Variants in COL24A1 observed in about 807,000 individuals in gnomAD.
COL24A1 encodes collagen alpha-1(XXIV) chain.
Under a neutral mutation model 253.9 loss-of-function variants are expected in COL24A1, and 224 were observed. The observed-to-expected ratio is 0.88, with a 90% CI of 0.79 to 0.99. The LOEUF (loss-of-function observed/expected upper bound fraction) is 0.99. Among genes scored for constraint, COL24A1 ranks in the 50% least tolerant of loss-of-function variants. The pLI is 0.00. For missense variants in COL24A1, 2,131 were observed against 2,068.5 expected, an observed-to-expected ratio of 1.03 and a Z score of -0.59; for synonymous variants, 685 against 673.7, an observed-to-expected ratio of 1.02 and a Z score of -0.26.
At chr1:86,093,967 A>G (rs1042027639) in intron 5 of COL24A1, among the ~76,000 whole-genome samples, 22 of 152,184 alleles carry the variant, frequency 1.4e-4, no homozygotes, top group African/African-American at 5.3e-4. Flanking sequence ...CAGAATGGCT[A>G]TTTTGAAAAA....
At chr1:85,794,347 A>C (rs979876485) in intron 47 of COL24A1, among the ~76,000 whole-genome samples, 5 of 152,150 alleles carry the variant, frequency 3.3e-5, no homozygotes, top group Admixed American at 3.3e-4. Flanking sequence ...ATACATGACA[A>C]TGGACATTCA....
At chr1:85,732,325 G>A (rs1475656107) in intron 59 of COL24A1, among the ~76,000 whole-genome samples, 1 of 151,880 alleles carries the variant, frequency 6.6e-6, no homozygotes, top group African/African-American at 2.4e-5. Context: ...CGCCTCCCAG[G>A]TTCACGCCAT....
At chr1:85,926,187 G>C (rs968971797) in intron 24 of COL24A1, among the ~76,000 whole-genome samples, 2 of 152,244 alleles carry the variant, frequency 1.3e-5, no homozygotes, top group Non-Finnish European at 2.9e-5. Context: ...AGATGCTGGA[G>C]AGGATGTGGA....
intron 19 of COL24A1, among the ~76,000 whole-genome samples, chr1:85,994,515 T>C (rs879792804): frequency 6.6e-6 from 1 of 151,886 alleles, no homozygotes; most frequent in Non-Finnish European, 1.5e-5. Context: ...TGTAAGAGGA[T>C]AATTTGGTCT....
chr1:85,848,561 C>T (rs377066569), intron 38 of COL24A1, among the ~76,000 whole-genome samples: 9 of 152,162 alleles, frequency 5.9e-5, no homozygotes, highest in Non-Finnish European at 1.3e-4. Flanking sequence ...CCGCCCACCT[C>T]GGCCTCCCAA....
intron 43 of COL24A1, among the ~76,000 whole-genome samples, chr1:85,827,702 T>G (rs1258789299): frequency 6.6e-6 from 1 of 151,672 alleles, no homozygotes; most frequent in African/African-American, 2.4e-5. Flanking sequence ...ATTTTCTAGT[T>G]TATTTGCGTA....
chr1:85,867,552 A>C (rs1679930147), intron 37 of COL24A1, among the ~76,000 whole-genome samples: 1 of 152,224 alleles, frequency 6.6e-6, no homozygotes. Context: ...AAGATAGGAC[A>C]ATACCTCCAA....
At position 86,026,045 on chromosome 1, in the gene COL24A1, T is replaced by C. The variant is rs150186699; in HGVS notation, c.2050-3038A>G. ...ACTACTTATTTTTCCTTCTATGCCA[T>C]TAGATTGTAATGTTGCCAAAAATAG... On this transcript the variant is annotated intron_variant, in intron 14 of 59. Transcript: ENST00000370571. 2.4e-3 allele frequency among the ~76,000 whole-genome samples: 366 copies of C among 152,312 alleles called. 2 individuals are homozygous for C. The highest frequency in any genetic ancestry group is 8.5e-3 in the African/African-American group (355 of 41,564).
intron 24 of COL24A1, among the ~76,000 whole-genome samples, chr1:85,953,989 A>T (rs1316273470): frequency 6.6e-6 from 1 of 152,192 alleles, no homozygotes; most frequent in Non-Finnish European, 1.5e-5. Context: ...CTCACATCTG[A>T]AAAAGACTGA....
intron 43 of COL24A1, among the ~76,000 whole-genome samples, chr1:85,835,111 G>C (rs1484061223): frequency 5.3e-5 from 8 of 151,938 alleles, no homozygotes; most frequent in Non-Finnish European, 1.2e-4. Flanking sequence ...CAAGCTTAAT[G>C]ACCAGAGACA....
intron 18 of COL24A1, among the ~76,000 whole-genome samples, chr1:86,020,147 A>G (rs1470126930): frequency 1.5e-5 from 2 of 133,910 alleles, no homozygotes; most frequent in Admixed American, 1.8e-4. Flanking sequence ...GACTTACTGC[A>G]ACCTCTGCCT....
rs200800459 is a variant in COL24A1 at position 86,125,464 on chromosome 1, G to T, written c.872C>A (p.Pro291Gln). 49 of 1,613,310 alleles carry T rather than the reference G, an allele frequency of 3.0e-5. No individual in the cohort carries two copies. The African/African-American group carries it at 5.9e-4, about 19-fold the overall frequency. Reference sequence around the variant, plus strand: ...TTCAGAATCATTTTTTATGATATTTGGAATGCTTTTGCCTTCAGTAAATGT... The same window carrying T: ...TTCAGAATCATTTTTTATGATATTTTGAATGCTTTTGCCTTCAGTAAATGT... Reference protein sequence around the residue: ...EDTFTEGKSIPNIIKNDSETV... With the variant: ...EDTFTEGKSIQNIIKNDSETV... The change falls in exon 3 of 60, where the codon CCA (proline) becomes CAA (glutamine). Residue 291 changes from proline (P) to glutamine (Q), a missense_variant. Transcript: ENST00000370571.
At chr1:86,041,122 G>T (rs964508011) in intron 12 of COL24A1, among the ~76,000 whole-genome samples, 7 of 152,114 alleles carry the variant, frequency 4.6e-5, no homozygotes, top group Non-Finnish European at 1.0e-4. Context: ...CCTTTCTATA[G>T]TTAGAAAAGT....
At chr1:85,867,188 T>C (rs1004977363) in intron 37 of COL24A1, among the ~76,000 whole-genome samples, 1 of 152,160 alleles carries the variant, frequency 6.6e-6, no homozygotes, top group African/African-American at 2.4e-5. Context: ...GCAGGGCCCA[T>C]TCAATGATCT....
intron 24 of COL24A1, among the ~76,000 whole-genome samples, chr1:85,923,115 G>C (rs965458225): frequency 2.0e-5 from 3 of 152,144 alleles, no homozygotes; most frequent in Admixed American, 1.3e-4. Context: ...CACAAGAAGA[G>C]CTAACTATCC....
intron 24 of COL24A1, among the ~76,000 whole-genome samples, chr1:85,959,758 A>G (rs1690832660): frequency 6.6e-6 from 1 of 152,106 alleles, no homozygotes; most frequent in South Asian, 2.1e-4. Flanking sequence ...GGGTTCTTAT[A>G]CTATGTGGAA....
intron 19 of COL24A1, among the ~76,000 whole-genome samples, chr1:85,999,066 G>A (rs1465852178): frequency 1.3e-5 from 2 of 152,228 alleles, no homozygotes; most frequent in African/African-American, 4.8e-5. Context: ...TACTGATAGA[G>A]ACATAGCTTT....
intron 19 of COL24A1, 115 bp from the exon 20 acceptor site, chr1:85,987,769 C>A: frequency 1.3e-6 from 1 of 791,920 alleles, no homozygotes; most frequent in South Asian, 1.9e-5. Flanking sequence ...TTATAATCCT[C>A]AAAAATTCAA....
chr1:85,848,145 C>T (rs938879511), intron 38 of COL24A1, among the ~76,000 whole-genome samples: 1 of 152,152 alleles, frequency 6.6e-6, no homozygotes, highest in African/African-American at 2.4e-5. Flanking sequence ...GCAACAAGGT[C>T]TGTTCAATAC....
Sources: gnomAD v4.1 joint callset for allele counts (sites outside exome capture counted in the v4.1 genomes callset) on GRCh38, gnomAD v4.1.1 for gene constraint, MANE v1.5 for transcripts, NCBI Gene and HGNC (gene_info 2026-07-23, HGNC 2026-07-21) for gene names.